Variants in PXT1 observed in about 807,000 individuals in gnomAD.
PXT1 encodes peroxisomal testis enriched protein 1.
In PXT1, 11 loss-of-function variants were observed where a neutral mutation model predicts 11.0. The observed-to-expected ratio is 1.00, with a 90% CI of 0.63 to 1.66. The LOEUF is 1.66. PXT1 is among the 40% of genes most tolerant of loss of function. The pLI, the probability that PXT1 is intolerant of heterozygous loss-of-function variation, is 0.00. For synonymous variants in PXT1, 43 were observed against 51.4 expected, an observed-to-expected ratio of 0.84 and a Z score of 0.70; for missense variants, 141 against 155.5, an observed-to-expected ratio of 0.91 and a Z score of 0.49.
At chr6:36,414,105 C>T (rs1165921378) in intron 3 of PXT1, among the ~76,000 whole-genome samples, 1 of 152,144 alleles carries the variant, frequency 6.6e-6, no homozygotes, top group African/African-American at 2.4e-5. Flanking sequence ...TGTTAGGAAG[C>T]CTCTTGAGGA....
Position 36,391,810 on chromosome 6 carries a change from T to G in PXT1, c.365A>C (p.Gln122Pro), listed in dbSNP as rs756778857. Residue 122 changes from glutamine (Q) to proline (P), a missense_variant, in exon 5 of 5, where the codon CAG becomes CCG. Coordinates refer to ENST00000454782, the MANE Select transcript of PXT1 (RefSeq NM_152990.4). The stretch of plus-strand genomic sequence containing the variant: ...GTTCCAGAAAAAATGCAGCAACACC[T>G]GAACTCTTCTAAAGAAAAAGAAGAC... ...HFVFFFFRRVQVLLHFFWNNH... is the reference protein window; with the variant it reads ...HFVFFFFRRVPVLLHFFWNNH... The G allele has an allele frequency of 1.2e-6, 2 of 1,613,726 alleles. No homozygotes were observed. The highest frequency in any genetic ancestry group is 1.3e-5 in the African/African-American group (1 of 74,880).
chr6:36,391,992 C>T, intron 4 of PXT1, 118 bp from the exon 5 acceptor site: 1 of 688,410 alleles, frequency 1.5e-6, no homozygotes, highest in African/African-American at 1.8e-5. Context: ...ATGCTGCAAA[C>T]AAGCTTCTTG....
At chr6:36,439,441 A>G (rs1774822876) in intron 1 of PXT1, among the ~76,000 whole-genome samples, 1 of 151,430 alleles carries the variant, frequency 6.6e-6, no homozygotes, top group Non-Finnish European at 1.5e-5. Flanking sequence ...GTGAAACCCC[A>G]TCTCTACTAA....
intron 3 of PXT1, among the ~76,000 whole-genome samples, chr6:36,408,038 C>T (rs7764288): frequency 0.013 from 1,947 of 150,866 alleles, 41 homozygotes; most frequent in African/African-American, 0.044. Flanking sequence ...CTTGGCTCAC[C>T]GCAACCTCCA....
chr6:36,414,507 T>C (rs1034368666), intron 3 of PXT1, among the ~76,000 whole-genome samples: 4 of 152,202 alleles, frequency 2.6e-5, no homozygotes, highest in Admixed American at 6.5e-5. Context: ...TATACTTCCT[T>C]CCAAAAAGAT....
In PXT1 at chr6:36,439,380, G is replaced by A. The variant is rs149345687; in HGVS notation, c.-129-494C>T. 9.5e-3 allele frequency among the ~76,000 whole-genome samples: 1,443 copies of A among 151,800 alleles called. 8 individuals carry two copies. The highest frequency in any genetic ancestry group is 0.016 in the Non-Finnish European group (1,099 of 67,896). ...TAATCCCAGCACTTTGGGAGGCGGA[G>A]GCGGGTGGATCATCTGAGGTCAGGA... On this transcript the variant is annotated intron_variant, in intron 1 of 4. Coordinates refer to ENST00000454782, the MANE Select transcript of PXT1 (RefSeq NM_152990.4).
chr6:36,419,754 G>A (rs1774497529), intron 3 of PXT1, among the ~76,000 whole-genome samples: 1 of 152,198 alleles, frequency 6.6e-6, no homozygotes, highest in Non-Finnish European at 1.5e-5. Context: ...TTGTCTTGAA[G>A]TCAGCTCTCC....
chr6:36,408,591 A>AAT (rs532362127), intron 3 of PXT1, among the ~76,000 whole-genome samples: 1 of 150,338 alleles, frequency 6.7e-6, no homozygotes, highest in Admixed American at 6.7e-5. Flanking sequence ...AGAAAAAAAA[A>AAT]TTTTTTGTAG....
chr6:36,396,139 GC>G (rs1271779853), intron 4 of PXT1, among the ~76,000 whole-genome samples: 1 of 152,242 alleles, frequency 6.6e-6, no homozygotes, highest in East Asian at 1.9e-4. Context: ...ATACAGATCA[GC>G]GGAACAGAAT....
chr6:36,435,545 G>C (rs908009567), intron 2 of PXT1, among the ~76,000 whole-genome samples: 1 of 152,126 alleles, frequency 6.6e-6, no homozygotes, highest in Non-Finnish European at 1.5e-5. Context: ...CTGGGTGACA[G>C]AGTAAGACCC....
At chr6:36,410,150 A>C (rs954043518) in intron 3 of PXT1, among the ~76,000 whole-genome samples, 6 of 149,482 alleles carry the variant, frequency 4.0e-5, no homozygotes, top group Admixed American at 2.0e-4. Context: ...GGAAGGAGAG[A>C]GAGAGAGAGA....
rs185042552 is a variant in PXT1, at chr6:36,427,142, A to G, written c.-9-1051T>C. Among the ~76,000 whole-genome samples the G allele has an allele frequency of 2.0e-5, 3 of 151,616 alleles. No homozygotes were observed. The East Asian group carries it at 5.8e-4, about 29-fold the overall frequency. ...CTCACCCTCCCGAGTAGCTGGGACT[A>G]CAGGTGCGTGCCACCATGCCCAGCT... is the stretch of plus-strand genomic sequence containing the variant. On this transcript the variant is annotated intron_variant, in intron 2 of 4. Transcript: ENST00000454782.
intron 3 of PXT1, among the ~76,000 whole-genome samples, chr6:36,417,621 A>G (rs1774467705): frequency 2.0e-5 from 3 of 147,350 alleles, no homozygotes; most frequent in Non-Finnish European, 4.5e-5. Flanking sequence ...TCAAAAACTT[A>G]GCCGGGCGTG....
At chr6:36,411,806 A>G (rs1464212480) in intron 3 of PXT1, among the ~76,000 whole-genome samples, 1 of 152,060 alleles carries the variant, frequency 6.6e-6, no homozygotes, top group Non-Finnish European at 1.5e-5. Context: ...AAAATTAGCC[A>G]GGCGTGGTGA....
chr6:36,401,720 T>C (rs146998585), intron 3 of PXT1, among the ~76,000 whole-genome samples: 1 of 151,770 alleles, frequency 6.6e-6, no homozygotes, highest in African/African-American at 2.4e-5. Context: ...TTAAATTAAT[T>C]AAAATTAATT....
chr6:36,422,814 TACAC>T (rs1157933084), intron 3 of PXT1, among the ~76,000 whole-genome samples: 2 of 152,226 alleles, frequency 1.3e-5, no homozygotes, highest in African/African-American at 4.8e-5. Flanking sequence ...TTATACTACT[TACAC>T]ACACATGCAC....
At chr6:36,438,465 C>T (rs1774801647) in intron 2 of PXT1, among the ~76,000 whole-genome samples, 1 of 152,078 alleles carries the variant, frequency 6.6e-6, no homozygotes, top group South Asian at 2.1e-4. Context: ...GCTCTGTCGC[C>T]CAGGCTGGAG....
At chr6:36,426,271 A>G (rs1358496938) in intron 2 of PXT1, among the ~76,000 whole-genome samples, 180 bp from the exon 3 acceptor site, 2 of 150,308 alleles carry the variant, frequency 1.3e-5, no homozygotes, top group Non-Finnish European at 2.9e-5. Flanking sequence ...TTAGTTAAAC[A>G]TCTTTCTAGG....
At chr6:36,432,234 A>G (rs1446760401) in intron 2 of PXT1, among the ~76,000 whole-genome samples, 1 of 152,104 alleles carries the variant, frequency 6.6e-6, no homozygotes, top group Non-Finnish European at 1.5e-5. Flanking sequence ...TGGAGGGAGG[A>G]TGAGCGAGGG....
Sources: gnomAD v4.1 joint callset for allele counts (sites outside exome capture counted in the v4.1 genomes callset) on GRCh38, gnomAD v4.1.1 for gene constraint, MANE v1.5 for transcripts, NCBI Gene and HGNC (gene_info 2026-07-23, HGNC 2026-07-21) for gene names.